The following KIF6 variants were observed in gnomAD, a reference collection of about 807,000 sequenced individuals.
KIF6 encodes the protein kinesin-like protein KIF6.
Under a neutral mutation model 112.7 loss-of-function variants are expected in KIF6, and 106 were observed. That is an observed-to-expected ratio of 0.94 (90% CI 0.80 to 1.11). The LOEUF is 1.11. Among genes scored for constraint, KIF6 ranks in the 50% least tolerant of loss-of-function variants. The probability of loss-of-function intolerance (pLI) is 0.00; values close to 1 mark genes in which losing one functional copy is unlikely to be tolerated. For missense variants in KIF6, 929 were observed against 964.0 expected, an observed-to-expected ratio of 0.96 and a Z score of 0.48; for synonymous variants, 339 against 339.9, an observed-to-expected ratio of 1.00 and a Z score of 0.03.
At chr6:39,654,101 C>T (rs1413909722) in intron 3 of KIF6, among the ~76,000 whole-genome samples, 3 of 152,038 alleles carry the variant, frequency 2.0e-5, no homozygotes, top group African/African-American at 7.3e-5. Context: ...AGGAAAGAGT[C>T]CGATAGTAAC....
rs551211756 is a variant in KIF6 at position 39,332,631 on chromosome 6, A to G, written c.*3901T>C. 4 of 152,328 alleles carry G rather than the reference A, an allele frequency of 2.6e-5. No individual in the cohort carries two copies. In the East Asian group the frequency reaches 7.7e-4, roughly 29 times the overall value. 9.4% of individuals were successfully genotyped at this position (152,328 alleles called of 1,614,324 possible). ...TGGAAACATGAACTCTTCCCAACAC[A>G]GTGTTATCTCAGGAAATTATTCCAC... On this transcript the variant is annotated 3_prime_UTR_variant, in exon 23 of 23. Coordinates refer to ENST00000287152, the MANE Select transcript of KIF6 (RefSeq NM_145027.6).
intron 3 of KIF6, among the ~76,000 whole-genome samples, chr6:39,703,781 T>G (rs922958778): frequency 6.6e-6 from 1 of 152,218 alleles, no homozygotes; most frequent in Non-Finnish European, 1.5e-5. Context: ...TAACAACATA[T>G]TTTCAGTATG....
At chr6:39,510,502 A>AT (rs1294428470) in intron 13 of KIF6, among the ~76,000 whole-genome samples, 2 of 152,160 alleles carry the variant, frequency 1.3e-5, no homozygotes, top group Admixed American at 1.3e-4. Flanking sequence ...ATGCTAAGAG[A>AT]TTTTGTCACC....
chr6:39,338,387 G>A (rs1435453660), intron 22 of KIF6, among the ~76,000 whole-genome samples: 9 of 152,216 alleles, frequency 5.9e-5, no homozygotes, highest in African/African-American at 1.2e-4. Flanking sequence ...AATAATTCAC[G>A]GCTGTGAGCC....
intron 14 of KIF6, among the ~76,000 whole-genome samples, chr6:39,422,533 G>A (rs979396164): frequency 3.9e-5 from 6 of 152,170 alleles, no homozygotes; most frequent in Admixed American, 1.3e-4. Flanking sequence ...ACCACTCCAG[G>A]CCACCCCACC....
intron 3 of KIF6, among the ~76,000 whole-genome samples, chr6:39,699,008 G>A (rs1013907068): frequency 1.3e-5 from 2 of 152,174 alleles, no homozygotes; most frequent in African/African-American, 4.8e-5. Flanking sequence ...GCAGCTGCAT[G>A]TCTAACTGGT....
At chr6:39,552,293 T>C (rs905268816) in intron 10 of KIF6, among the ~76,000 whole-genome samples, 1 of 152,238 alleles carries the variant, frequency 6.6e-6, no homozygotes, top group Admixed American at 6.5e-5. Context: ...GGGACTATCA[T>C]AGTCTGGTTC....
intron 13 of KIF6, among the ~76,000 whole-genome samples, chr6:39,523,263 T>C (rs1777500754): frequency 6.6e-6 from 1 of 152,130 alleles, no homozygotes; most frequent in African/African-American, 2.4e-5. Flanking sequence ...TATAATTACG[T>C]AGCTTGACTG....
At chr6:39,396,698 A>C (rs1768297857) in intron 15 of KIF6, among the ~76,000 whole-genome samples, 1 of 152,142 alleles carries the variant, frequency 6.6e-6, no homozygotes, top group African/African-American at 2.4e-5. Flanking sequence ...CAACCTTGCA[A>C]GGTTGCTGCA....
At chr6:39,645,606 T>C (rs1357267597) in intron 3 of KIF6, among the ~76,000 whole-genome samples, 1 of 152,092 alleles carries the variant, frequency 6.6e-6, no homozygotes, top group Middle Eastern at 3.2e-3. Flanking sequence ...GGGATATTGG[T>C]CTAAAATTCT....
intron 10 of KIF6, among the ~76,000 whole-genome samples, chr6:39,572,066 T>C (rs891070630): frequency 1.1e-4 from 16 of 152,214 alleles, no homozygotes; most frequent in Admixed American, 1.3e-4. Context: ...ATTAACCATA[T>C]GTAATAAACT....
At position 39,514,107 on chromosome 6, in the gene KIF6, C is replaced by T. The variant is rs546206381; in HGVS notation, c.1645+25896G>A. On this transcript the variant is annotated intron_variant, in intron 13 of 22. Coordinates refer to ENST00000287152, the MANE Select transcript of KIF6 (RefSeq NM_145027.6). ...CTTTTTTCACTATTTTCATTATTTA[C>T]ATAAGAACCCCAATTTCATACCTAC... is the stretch of plus-strand genomic sequence containing the variant. Among the ~76,000 whole-genome samples the T allele has an allele frequency of 7.2e-5, 11 of 152,198 alleles. No individual in the cohort carries two copies. In the East Asian group the frequency reaches 1.9e-3, roughly 27 times the overall value.
At chr6:39,532,776 T>G (rs1386817195) in intron 13 of KIF6, among the ~76,000 whole-genome samples, 1 of 152,216 alleles carries the variant, frequency 6.6e-6, no homozygotes, top group African/African-American at 2.4e-5. Flanking sequence ...TGTCAGGTAG[T>G]CCATTCCAAC....
At chr6:39,523,274 C>T (rs1213354315) in intron 13 of KIF6, among the ~76,000 whole-genome samples, 1 of 152,106 alleles carries the variant, frequency 6.6e-6, no homozygotes, top group Non-Finnish European at 1.5e-5. Context: ...AGCTTGACTG[C>T]TGTTACAACG....
rs187932192 is a variant in KIF6 at position 39,351,876 on chromosome 6, C to T, written c.2181-5350G>A. 3.3e-5 allele frequency among the ~76,000 whole-genome samples: 5 copies of T among 152,272 alleles called. No homozygotes were observed. In the South Asian group the frequency reaches 6.2e-4, roughly 19 times the overall value. On this transcript the variant is annotated intron_variant, in intron 19 of 22. Transcript: ENST00000287152. ...ATGATTGAGGAAGCTGAATCCTCCTCGTTGTGTTTTTCAGATGTGCTGTGT... is the reference window on the plus strand; with the variant it reads ...ATGATTGAGGAAGCTGAATCCTCCTTGTTGTGTTTTTCAGATGTGCTGTGT...
intron 13 of KIF6, among the ~76,000 whole-genome samples, chr6:39,432,507 CTT>C (rs1254465753): frequency 6.6e-6 from 1 of 152,208 alleles, no homozygotes; most frequent in Non-Finnish European, 1.5e-5. Context: ...AATGATTACT[CTT>C]GATAAAAATA....
chr6:39,597,604 T>C (rs1054714562), intron 6 of KIF6, among the ~76,000 whole-genome samples: 8 of 152,122 alleles, frequency 5.3e-5, no homozygotes, highest in African/African-American at 1.4e-4. Context: ...CCTTACACAA[T>C]GCACACAAAG....
At chr6:39,656,187 G>A (rs1158884394) in intron 3 of KIF6, among the ~76,000 whole-genome samples, 1 of 152,158 alleles carries the variant, frequency 6.6e-6, no homozygotes, top group Non-Finnish European at 1.5e-5. Flanking sequence ...GGGTGTCTCT[G>A]TCTTCCCAAA....
At chr6:39,404,242 C>A (rs558168739) in intron 15 of KIF6, among the ~76,000 whole-genome samples, 11 of 151,866 alleles carry the variant, frequency 7.2e-5, no homozygotes, top group African/African-American at 2.7e-4. Flanking sequence ...GAACATGTTG[C>A]GAAACCCCAG....
Sources: gnomAD v4.1 joint callset for allele counts (sites outside exome capture counted in the v4.1 genomes callset) on GRCh38, gnomAD v4.1.1 for gene constraint, MANE v1.5 for transcripts, NCBI Gene and HGNC (gene_info 2026-07-23, HGNC 2026-07-21) for gene names.